Variants in EPHA6 observed in about 807,000 individuals in gnomAD.
The protein encoded by EPHA6 is ephrin type-A receptor 6.
Under a neutral mutation model 112.0 loss-of-function variants are expected in EPHA6, and 50 were observed. That is an observed-to-expected ratio of 0.45 (90% confidence interval 0.36 to 0.56). The LOEUF (loss-of-function observed/expected upper bound fraction) is 0.56, where lower values mean the gene tolerates loss of function less well. Ranked by LOEUF, EPHA6 falls within the 20% of genes least tolerant of loss-of-function variation. The pLI is 0.00. For missense variants in EPHA6, 1,280 were observed against 1,417.4 expected, an observed-to-expected ratio of 0.90 and a Z score of 1.56; for synonymous variants, 529 against 490.7, an observed-to-expected ratio of 1.08 and a Z score of -1.03.
chr3:97,124,350 A>G (rs2048121771), intron 3 of EPHA6, among the ~76,000 whole-genome samples: 1 of 151,984 alleles, frequency 6.6e-6, no homozygotes, highest in Admixed American at 6.6e-5. Flanking sequence ...ATCTTAAAAG[A>G]TATTTGAGTA....
intron 5 of EPHA6, among the ~76,000 whole-genome samples, chr3:97,327,598 G>T (rs2082498279): frequency 6.6e-6 from 1 of 151,734 alleles, no homozygotes; most frequent in Non-Finnish European, 1.5e-5. Context: ...CCCCCACGTT[G>T]CTTTTTAATA....
At chr3:97,414,375 T>A (rs1045794284) in intron 6 of EPHA6, among the ~76,000 whole-genome samples, 19 of 152,188 alleles carry the variant, frequency 1.2e-4, no homozygotes, top group Admixed American at 9.8e-4. Context: ...TAGAAAGGAA[T>A]TTCTTTTAGA....
chr3:97,023,830 A>C (rs2107990059), intron 3 of EPHA6, among the ~76,000 whole-genome samples: 1 of 152,316 alleles, frequency 6.6e-6, no homozygotes. Context: ...ATCATCCGTA[A>C]GATTAGCGGA....
chr3:97,533,199 T>C (rs2092715139), intron 11 of EPHA6, among the ~76,000 whole-genome samples: 1 of 152,004 alleles, frequency 6.6e-6, no homozygotes, highest in Non-Finnish European at 1.5e-5. Flanking sequence ...ATGACAATAT[T>C]TCTCATTACT....
At chr3:97,369,023 G>A (rs1442338804) in intron 5 of EPHA6, among the ~76,000 whole-genome samples, 1 of 152,134 alleles carries the variant, frequency 6.6e-6, no homozygotes. Flanking sequence ...GAATAAACCG[G>A]CCATATGAAC....
intron 7 of EPHA6, among the ~76,000 whole-genome samples, chr3:97,470,439 TAA>T (rs370426142): frequency 3.8e-4 from 58 of 151,816 alleles, no homozygotes; most frequent in African/African-American, 1.3e-3. Flanking sequence ...AGAAAAGAGT[TAA>T]CTTTAAAAAT....
At chr3:97,333,095 G>A (rs1267397954) in intron 5 of EPHA6, among the ~76,000 whole-genome samples, 1 of 151,914 alleles carries the variant, frequency 6.6e-6, no homozygotes, top group Non-Finnish European at 1.5e-5. Flanking sequence ...ACCTGTTTAT[G>A]AACAGAGTAT....
chr3:97,732,384 T>C (rs1280433435), intron 15 of EPHA6, among the ~76,000 whole-genome samples: 1 of 151,900 alleles, frequency 6.6e-6, no homozygotes, highest in East Asian at 2.0e-4. Flanking sequence ...AACAGCCTGT[T>C]CTATGTGGCA....
intron 3 of EPHA6, among the ~76,000 whole-genome samples, chr3:97,198,944 A>G (rs2077510799): frequency 1.3e-5 from 2 of 152,116 alleles, no homozygotes. Context: ...ACATGCTCTC[A>G]TGGCATTCTT....
intron 11 of EPHA6, among the ~76,000 whole-genome samples, chr3:97,555,360 T>C (rs1327857545): frequency 6.6e-6 from 1 of 152,092 alleles, no homozygotes; most frequent in African/African-American, 2.4e-5. Flanking sequence ...TCTAAGTCTT[T>C]GCTATTGTGA....
chr3:96,973,310 T>C (rs1318782847), intron 2 of EPHA6, among the ~76,000 whole-genome samples: 1 of 152,178 alleles, frequency 6.6e-6, no homozygotes, highest in Non-Finnish European at 1.5e-5. Flanking sequence ...GCACACACTA[T>C]TGGCAATTTT....
At chr3:97,308,682 A>G (rs986889066) in intron 5 of EPHA6, among the ~76,000 whole-genome samples, 2 of 151,800 alleles carry the variant, frequency 1.3e-5, no homozygotes, top group Non-Finnish European at 3.0e-5. Flanking sequence ...TTCATATGCT[A>G]ACCTCTGCTA....
chr3:97,137,890 A>G (rs1052415394), intron 3 of EPHA6, among the ~76,000 whole-genome samples: 2 of 152,326 alleles, frequency 1.3e-5, no homozygotes, highest in African/African-American at 2.4e-5. Flanking sequence ...GTAGAAAAAA[A>G]TGTGAGAGAA....
chr3:96,880,603 T>C (rs987878997), intron 2 of EPHA6, among the ~76,000 whole-genome samples: 3 of 152,096 alleles, frequency 2.0e-5, no homozygotes, highest in African/African-American at 7.2e-5. Flanking sequence ...ATTTAGCACA[T>C]TCACAATATT....
intron 5 of EPHA6, among the ~76,000 whole-genome samples, chr3:97,403,547 C>T (rs889321637): frequency 1.3e-5 from 2 of 152,082 alleles, no homozygotes; most frequent in Admixed American, 6.6e-5. Context: ...CCCGGGTTCA[C>T]GCCATTCTCC....
intron 6 of EPHA6, among the ~76,000 whole-genome samples, chr3:97,406,443 A>G (rs919039615): frequency 3.3e-5 from 5 of 152,126 alleles, no homozygotes; most frequent in Non-Finnish European, 7.4e-5. Flanking sequence ...CTTCTGCAAT[A>G]TGAAACCCAC....
intron 3 of EPHA6, among the ~76,000 whole-genome samples, chr3:96,998,096 C>T (rs1048228442): frequency 6.8e-6 from 1 of 147,970 alleles, no homozygotes; most frequent in African/African-American, 2.6e-5. Context: ...AAGTCATATT[C>T]CTGTAGGGCT....
chr3:96,898,364 C>T lies in EPHA6; in HGVS notation c.450+31475C>T, dbSNP rs185959699. On this transcript the variant is annotated intron_variant, in intron 2 of 17. Transcript: ENST00000389672. ...TTTCATTGAAATGGGGAAAACATAG[C>T]GAATAGAAGAAATATGTCTTAGCGT... Among the ~76,000 whole-genome samples the T allele has an allele frequency of 2.8e-4, 42 of 152,152 alleles. 1 individual carries two copies. Among genetic ancestry groups the T allele is most frequent in the East Asian group, 1.9e-4 (1 of 5,174 alleles).
chr3:97,204,695 C>T (rs2077668466), intron 3 of EPHA6, among the ~76,000 whole-genome samples: 1 of 152,004 alleles, frequency 6.6e-6, no homozygotes, highest in African/African-American at 2.4e-5. Context: ...ACACTTAAAT[C>T]CGTGGAAAGG....
Sources: gnomAD v4.1 joint callset for allele counts (sites outside exome capture counted in the v4.1 genomes callset) on GRCh38, gnomAD v4.1.1 for gene constraint, MANE v1.5 for transcripts, NCBI Gene and HGNC (gene_info 2026-07-23, HGNC 2026-07-21) for gene names.